The following UBE2H variants were observed in gnomAD, a reference collection of about 807,000 sequenced individuals.
UBE2H encodes the protein ubiquitin conjugating enzyme E2 H, also known as ubiquitin-conjugating enzyme E2 H.
Under a neutral mutation model 29.0 loss-of-function variants are expected in UBE2H, and 3 were observed. The observed-to-expected ratio is 0.10, with a 90% CI of 0.05 to 0.27. The LOEUF is 0.27. Among genes scored for constraint, UBE2H ranks in the 10% least tolerant of loss-of-function variants. The pLI is 1.00. For synonymous variants in UBE2H, 69 were observed against 82.9 expected, an observed-to-expected ratio of 0.83 and a Z score of 0.91; for missense variants, 68 against 228.2, an observed-to-expected ratio of 0.30 and a Z score of 4.52.
At chr7:129,844,232 G>A (rs996536391) in intron 5 of UBE2H, among the ~76,000 whole-genome samples, 14 of 152,278 alleles carry the variant, frequency 9.2e-5, no homozygotes, top group African/African-American at 2.4e-4. Flanking sequence ...TGACAACTTC[G>A]GGAGGCCAGG....
At chr7:129,857,426 T>C (rs1393972124) in intron 5 of UBE2H, 85 bp downstream of exon 5, 8 of 1,453,534 alleles carry the variant, frequency 5.5e-6, no homozygotes, top group Middle Eastern at 3.5e-4. Flanking sequence ...CAACAAAACA[T>C]CTTAAACCAG....
intron 6 of UBE2H, among the ~76,000 whole-genome samples, chr7:129,838,568 T>C (rs1348086650): frequency 6.6e-6 from 1 of 152,140 alleles, no homozygotes; most frequent in African/African-American, 2.4e-5. Context: ...GTATCTAGAC[T>C]TTTCACTATG....
chr7:129,893,078 T>C (rs982415696), intron 1 of UBE2H, among the ~76,000 whole-genome samples: 4 of 152,228 alleles, frequency 2.6e-5, no homozygotes, highest in African/African-American at 9.6e-5. Context: ...AGACCCATTA[T>C]CTTAGGAGTA....
At chr7:129,860,247 T>C (rs1336826033) in intron 3 of UBE2H, among the ~76,000 whole-genome samples, 4 of 152,328 alleles carry the variant, frequency 2.6e-5, no homozygotes, top group Admixed American at 6.5e-5. Context: ...CACTTTTAAC[T>C]TTTGTTTTTA....
intron 3 of UBE2H, among the ~76,000 whole-genome samples, chr7:129,871,804 G>T (rs1806040748): frequency 6.6e-6 from 1 of 151,894 alleles, no homozygotes; most frequent in African/African-American, 2.4e-5. Flanking sequence ...GGTTATTAGA[G>T]AAGTACACAG....
At chr7:129,914,130 C>G (rs1806996495) in intron 1 of UBE2H, among the ~76,000 whole-genome samples, 1 of 152,074 alleles carries the variant, frequency 6.6e-6, no homozygotes, top group African/African-American at 2.4e-5. Context: ...TAGCTGCCAG[C>G]AGACAACGTA....
intron 1 of UBE2H, among the ~76,000 whole-genome samples, chr7:129,934,096 C>T (rs1270022377): frequency 6.6e-6 from 1 of 152,084 alleles, no homozygotes; most frequent in Non-Finnish European, 1.5e-5. Context: ...CCAAGGTGGG[C>T]AGATCACTTG....
intron 1 of UBE2H, among the ~76,000 whole-genome samples, chr7:129,916,129 C>T (rs1056873547): frequency 1.3e-5 from 2 of 152,158 alleles, no homozygotes; most frequent in Non-Finnish European, 2.9e-5. Flanking sequence ...CAAATGACTT[C>T]AGCTTTTTTT....
chr7:129,856,256 T>C (rs1387444900), intron 5 of UBE2H, among the ~76,000 whole-genome samples: 1 of 152,194 alleles, frequency 6.6e-6, no homozygotes, highest in African/African-American at 2.4e-5. Flanking sequence ...TAAAAGGTCG[T>C]ACAAGTTCAA....
intron 5 of UBE2H, chr7:129,857,151 T>C: frequency 5.5e-6 from 1 of 180,342 alleles, no homozygotes; most frequent in Non-Finnish European, 1.2e-5. Flanking sequence ...CAGAGGGACA[T>C]TCCTAAGTAG....
chr7:129,868,935 CT>C (rs34258788), intron 3 of UBE2H, among the ~76,000 whole-genome samples: 13,710 of 119,690 alleles, frequency 0.11, 714 homozygotes, highest in African/African-American at 0.19. Context: ...CTCTCTCTCT[CT>C]TTTTTTTTTT....
At chr7:129,845,462 C>T (rs927648648) in intron 5 of UBE2H, among the ~76,000 whole-genome samples, 3 of 152,182 alleles carry the variant, frequency 2.0e-5, no homozygotes, top group Non-Finnish European at 4.4e-5. Flanking sequence ...AACAGCTCGA[C>T]TCTGGTTTAG....
intron 1 of UBE2H, among the ~76,000 whole-genome samples, chr7:129,909,711 A>G (rs1328461030): frequency 6.6e-6 from 1 of 152,006 alleles, no homozygotes; most frequent in Non-Finnish European, 1.5e-5. Context: ...ATATAAATGT[A>G]CATGTGGCCC....
chr7:129,914,748 CCAT>C (rs1807009904), intron 1 of UBE2H, among the ~76,000 whole-genome samples: 3 of 152,078 alleles, frequency 2.0e-5, no homozygotes, highest in Admixed American at 2.0e-4. Context: ...ATTATCAGTA[CCAT>C]AATAGAGAAT....
At chr7:129,926,906 G>A (rs911315755) in intron 1 of UBE2H, among the ~76,000 whole-genome samples, 3 of 152,148 alleles carry the variant, frequency 2.0e-5, no homozygotes, top group African/African-American at 7.2e-5. Context: ...TAGTACATAT[G>A]TACTTAACAG....
At chr7:129,949,144 G>A (rs1443780484) in intron 1 of UBE2H, 4 of 382,552 alleles carry the variant, frequency 1.0e-5, no homozygotes, top group Admixed American at 3.0e-5. Flanking sequence ...GTGCAACAGG[G>A]TGAGACGAGT....
chr7:129,943,616 G>C (rs1041970114), intron 1 of UBE2H, among the ~76,000 whole-genome samples: 1 of 151,900 alleles, frequency 6.6e-6, no homozygotes, highest in Non-Finnish European at 1.5e-5. Context: ...CAAAAAACCA[G>C]ATTGGCCAGG....
At chr7:129,946,351 G>A (rs563122351) in intron 1 of UBE2H, among the ~76,000 whole-genome samples, 2 of 152,126 alleles carry the variant, frequency 1.3e-5, no homozygotes, top group African/African-American at 2.4e-5. Flanking sequence ...GAGCCACCGC[G>A]CCCGGCCCCT....
intron 3 of UBE2H, chr7:129,865,041 G>A: frequency 2.3e-6 from 1 of 442,206 alleles, no homozygotes; most frequent in South Asian, 1.6e-5. Context: ...TCTTTTAGCA[G>A]AAGGGAATTA....
Sources: allele counts gnomAD v4.1 joint callset (sites outside exome capture counted in the v4.1 genomes callset), GRCh38; gene constraint gnomAD v4.1.1; transcripts MANE v1.5; gene names NCBI Gene and HGNC (gene_info 2026-07-23, HGNC 2026-07-21).